The following TASOR2 variants were observed in gnomAD, a reference collection of about 807,000 sequenced individuals.
TASOR2 encodes transcription activation suppressor family member 2.
Under a neutral mutation model 199.5 loss-of-function variants are expected in TASOR2, and 84 were observed. The ratio of observed to expected loss-of-function variants is 0.42; its 90% CI spans 0.35 to 0.50. TASOR2 has a LOEUF of 0.50. TASOR2 is among the 20% of genes least tolerant of loss of function. TASOR2 has a pLI of 0.02. For synonymous variants in TASOR2, 1,103 were observed against 1,046.6 expected (o/e 1.05, Z -1.04); for missense variants, 2,796 against 2,835.9 (o/e 0.99, Z 0.32).
intron 1 of TASOR2, among the ~76,000 whole-genome samples, chr10:5,696,872 TAAAA>T (rs202062438): frequency 6.6e-5 from 10 of 151,830 alleles, no homozygotes. Flanking sequence ...AAAGTTTATA[TAAAA>T]AAAACTGCTG....
chr10:5,712,598 A>G (rs1480094759), intron 1 of TASOR2: 15 of 1,220,016 alleles, frequency 1.2e-5, no homozygotes, highest in Non-Finnish European at 1.5e-5. Context: ...AGGTAAACCC[A>G]TCATTTTTGG....
rs1835880671 is a variant in TASOR2, at chr10:5,738,131, C to T, written c.1448-1487C>T. On this transcript the variant is annotated intron_variant, in intron 12 of 20. Transcript: ENST00000328090. The surrounding 1 kb of genome is among the most constrained non-coding windows in gnomAD (Gnocchi z 4.7). ...ATCAAATGATAATTTTGAAGTCAGACAGTCCTTTTGTTAATGAAACATGAT... is the reference window on the plus strand; with the variant it reads ...ATCAAATGATAATTTTGAAGTCAGATAGTCCTTTTGTTAATGAAACATGAT... 1.4e-5 allele frequency among the ~76,000 whole-genome samples: 2 copies of T among 144,870 alleles called. No individual in the cohort carries two copies. Among genetic ancestry groups the T allele is most frequent in the South Asian group, 4.5e-4 (2 of 4,484 alleles).
chr10:5,747,481 G>A (rs766504028), exon 15 of TASOR2: 1 of 1,614,130 alleles, frequency 6.2e-7, no homozygotes, highest in Admixed American at 1.7e-5. Flanking sequence ...AGAAGAACCA[G>A]TAGAAAATAA....
In TASOR2 at chr10:5,727,138, G is replaced by C; in HGVS notation, c.487+15G>C. On this transcript the variant is annotated intron_variant, in intron 10 of 20. Coordinates refer to ENST00000328090, the Ensembl canonical transcript of TASOR2. ...CCTGTCAACAGGTGAGGATACAATG[G>C]TTTCCAGCTCACTCTGTCTGTTGGA... is the stretch of plus-strand genomic sequence containing the variant. 6.2e-7 allele frequency: 1 copy of C among 1,613,676 alleles called. No homozygotes were observed. The highest frequency in any genetic ancestry group is 8.5e-7 in the Non-Finnish European group (1 of 1,179,832).
At position 5,699,351 on chromosome 10, in the gene TASOR2, G is replaced by A. The variant is rs1162003555; in HGVS notation, c.-287-13472G>A. Reference sequence around the variant, plus strand: ...GAGGGGTGAGGAGGATAGCTAAGGGGTAGAAGGTTTCTTTGGGGATAATGA... The same window carrying A: ...GAGGGGTGAGGAGGATAGCTAAGGGATAGAAGGTTTCTTTGGGGATAATGA... On this transcript the variant is annotated intron_variant, in intron 1 of 20. Coordinates refer to ENST00000328090, the Ensembl canonical transcript of TASOR2. This position sits in a 1 kb window ranked among gnomAD's most constrained non-coding sequence, Gnocchi z 4.1. 3 of 152,104 alleles carry A rather than the reference G, an allele frequency of 2.0e-5. No individual in the cohort carries two copies. Among genetic ancestry groups the A allele is most frequent in the Non-Finnish European group, 4.4e-5 (3 of 67,998 alleles). The allele number at this position is 152,104 out of a possible 1,614,324, so 9.4% of individuals were successfully genotyped here.
intron 1 of TASOR2, among the ~76,000 whole-genome samples, chr10:5,708,938 A>G (rs1448968313): frequency 6.6e-6 from 1 of 151,930 alleles, no homozygotes; most frequent in African/African-American, 2.4e-5. Context: ...CTGAGTTCAA[A>G]CAATCTGCCT....
rs1324504730 is a variant in TASOR2 at position 5,754,414 on chromosome 10, A to C, written c.6607-2199A>C. On this transcript the variant is annotated intron_variant, in intron 15 of 20. Transcript: ENST00000328090. The surrounding 1 kb of genome is among the most constrained non-coding windows in gnomAD (Gnocchi z 4.3). ...ACTTTTTTTTTTTTAATTGAGATGA[A>C]GTTTTGCTCTTGTCGCCCAGGCTGG... Among the ~76,000 whole-genome samples, 2 of 151,298 alleles carry C rather than the reference A, an allele frequency of 1.3e-5. No individual in the cohort carries two copies. The highest frequency in any genetic ancestry group is 2.9e-5 in the Non-Finnish European group (2 of 67,878).
intron 2 of TASOR2, among the ~76,000 whole-genome samples, chr10:5,715,266 CA>C (rs1832480646): frequency 1.3e-5 from 2 of 149,594 alleles, no homozygotes; most frequent in South Asian, 4.2e-4. Context: ...ATATAATTCA[CA>C]ATTATAGAAT....
chr10:5,761,079 C>A, intron 18 of TASOR2: 1 of 515,500 alleles, frequency 1.9e-6, no homozygotes, highest in East Asian at 3.3e-5. Context: ...CATGATGTCC[C>A]TCTTAGAATG....
At chr10:5,746,960 C>T (rs1489570491) in exon 15 of TASOR2, 1 of 1,614,208 alleles carries the variant, frequency 6.2e-7, no homozygotes, top group Non-Finnish European at 8.5e-7. Flanking sequence ...GTGAGATGCA[C>T]TCAGGATTTC....
At chr10:5,731,022 A>G (rs1834739057) in exon 11 of TASOR2, 1 of 1,614,062 alleles carries the variant, frequency 6.2e-7, no homozygotes, top group Non-Finnish European at 8.5e-7. Context: ...CATTGAGTCC[A>G]GCGTCAAATC....
chr10:5,748,385 T>A lies in TASOR2; in HGVS notation c.4964T>A (p.Val1655Asp). The A allele has an allele frequency of 6.2e-7, 1 of 1,614,216 alleles. No individual in the cohort carries two copies. Among genetic ancestry groups the A allele is most frequent in the South Asian group, 1.1e-5 (1 of 91,082 alleles). The change falls in exon 15 of 21, where the codon GTC becomes GAC. Residue 1655 changes from valine to aspartate, a missense_variant. This residue lies in a region of TASOR2 where 1,941 missense variants were observed against 1,924.9 expected (regional missense o/e 1.01). Coordinates refer to ENST00000328090, the Ensembl canonical transcript of TASOR2. The surrounding 1 kb of genome is among the most constrained non-coding windows in gnomAD (Gnocchi z 5.1). Reference sequence around the variant, plus strand: ...ACACAGGGATGCATGTGCTCAGTGGTCCCCACGCTTTGTTCTTCCTCAGAC... The same window carrying A: ...ACACAGGGATGCATGTGCTCAGTGGACCCCACGCTTTGTTCTTCCTCAGAC...
rs750818717 is a variant in TASOR2 at position 5,698,060 on chromosome 10, T to C, written c.-288+12885T>C. ...CCCTAGTGCTTTACTTTTCCTTATG[T>C]TCACTCCATGACCCTATGCAGTTCC... On this transcript the variant is annotated intron_variant, in intron 1 of 20. Transcript: ENST00000328090. The surrounding 1 kb of genome is among the most constrained non-coding windows in gnomAD (Gnocchi z 4.4). 9.2e-5 allele frequency among the ~76,000 whole-genome samples: 14 copies of C among 152,216 alleles called. No individual in the cohort carries two copies. The highest frequency in any genetic ancestry group is 1.9e-4 in the Non-Finnish European group (13 of 68,036).
At chr10:5,756,550 A>G in intron 15 of TASOR2, 63 bp from the exon 17 acceptor site, 1 of 1,541,420 alleles carries the variant, frequency 6.5e-7, no homozygotes, top group South Asian at 1.2e-5. Context: ...ATTTTAATAA[A>G]CTATACAGGT....
intron 1 of TASOR2, chr10:5,712,575 T>G (rs894268049): frequency 5.7e-6 from 7 of 1,230,790 alleles, no homozygotes; most frequent in Non-Finnish European, 7.1e-6. Context: ...TGGTTTTGTT[T>G]TAGTTTTAAA....
Position 5,759,861 on chromosome 10 carries a change from C to T in TASOR2, c.6992+869C>T, listed in dbSNP as rs949159856. The stretch of plus-strand genomic sequence containing the variant: ...GCAGGAAAGGAGGGTGCAAAGGCTT[C>T]AGCAGGTCAAGGGTATGACCATTCA... On this transcript the variant is annotated intron_variant, in intron 18 of 20. Coordinates refer to ENST00000328090, the Ensembl canonical transcript of TASOR2. Among the ~76,000 whole-genome samples, 3 of 152,356 alleles carry T rather than the reference C, an allele frequency of 2.0e-5. No individual in the cohort carries two copies. In the East Asian group the frequency reaches 5.8e-4, roughly 29 times the overall value.
intron 16 of TASOR2, 97 bp downstream of exon 17, chr10:5,756,835 C>A: frequency 7.6e-7 from 1 of 1,320,626 alleles, no homozygotes. Context: ...AGAAGAGAAG[C>A]TAACAGACAT....
At chr10:5,724,389 C>T (rs72774076) in intron 7 of TASOR2, 41 bp from the exon 9 acceptor site, 9,806 of 955,168 alleles carry the variant, frequency 0.01, 96 homozygotes, top group Middle Eastern at 0.023. Context: ...TACATAATAG[C>T]GTATTAAAAA....
rs1834606168 is a variant in TASOR2, at chr10:5,730,104, CAAAAT to C, written c.488-380_488-376del. 6.6e-6 allele frequency among the ~76,000 whole-genome samples: 1 copy of C among 152,056 alleles called. No homozygotes were observed. Among genetic ancestry groups the C allele is most frequent in the African/African-American group, 2.4e-5 (1 of 41,386 alleles). On this transcript the variant is annotated intron_variant, in intron 10 of 20. Coordinates refer to ENST00000328090, the Ensembl canonical transcript of TASOR2. The surrounding 1 kb of genome is among the most constrained non-coding windows in gnomAD (Gnocchi z 4.1). ...AGCTACAGTAAAATAAATTTTAAAACAAAATAAGAAAAAGTACGAAAGCAAATCTG... is the reference window on the plus strand; with the variant it reads ...AGCTACAGTAAAATAAATTTTAAAACAAGAAAAAGTACGAAAGCAAATCTG...
Sources: allele counts gnomAD v4.1 joint callset (sites outside exome capture counted in the v4.1 genomes callset), GRCh38; gene constraint gnomAD v4.1.1; regional missense constraint gnomAD v4.1.1; non-coding constraint Gnocchi (gnomAD v3.1); transcripts MANE v1.5; gene names NCBI Gene and HGNC (gene_info 2026-07-23, HGNC 2026-07-21).